Variants in PPP2R2B observed in about 807,000 individuals in gnomAD.
PPP2R2B encodes the protein protein phosphatase 2 regulatory subunit Bbeta, also known as serine/threonine-protein phosphatase 2A 55 kDa regulatory subunit B beta isoform.
A neutral mutation model predicts 46.0 loss-of-function variants in PPP2R2B; 5 were observed. The observed-to-expected ratio is 0.11, with a 90% CI of 0.06 to 0.23. PPP2R2B has a LOEUF of 0.23. Among genes scored for constraint, PPP2R2B ranks in the 10% least tolerant of loss-of-function variants. The pLI is 1.00. For synonymous variants in PPP2R2B, 215 were observed against 206.7 expected (o/e 1.04, Z -0.34); for missense variants, 367 against 575.0 (o/e 0.64, Z 3.70).
At chr5:146,986,665 G>A (rs1753443760) in intron 1 of PPP2R2B, among the ~76,000 whole-genome samples, 1 of 152,116 alleles carries the variant, frequency 6.6e-6, no homozygotes, top group South Asian at 2.1e-4. Context: ...TTAAGCAGAA[G>A]AAATAATCAG....
Position 146,583,435 on chromosome 5 carries a change from G to A in PPP2R2B, c.*6512C>T, listed in dbSNP as rs1247278380. ...GTCGTTTTTATCCTTATCTCATAAT[G>A]AGAAAATCGAGGCACAGAGAGGTTG... On this transcript the variant is annotated 3_prime_UTR_variant, in exon 10 of 10. Transcript: ENST00000394411. The A allele has an allele frequency of 1.3e-5, 2 of 152,146 alleles. No homozygotes were observed. The highest frequency in any genetic ancestry group is 4.8e-5 in the African/African-American group (2 of 41,430). The allele number at this position is 152,146 out of a possible 1,614,324, so 9.4% of individuals were successfully genotyped here.
intron 2 of PPP2R2B, among the ~76,000 whole-genome samples, chr5:146,832,144 T>G (rs1464510981): frequency 6.6e-6 from 1 of 152,170 alleles, no homozygotes; most frequent in East Asian, 1.9e-4. Flanking sequence ...GTTAAAAAAA[T>G]TAAAAAGTTT....
intron 5 of PPP2R2B, among the ~76,000 whole-genome samples, chr5:146,684,449 C>T (rs1182140718): frequency 2.6e-5 from 4 of 152,208 alleles, no homozygotes; most frequent in African/African-American, 9.6e-5. Flanking sequence ...ACAGACAGAA[C>T]GTGCTTCATT....
chr5:146,885,319 A>T (rs1425672627), intron 1 of PPP2R2B, among the ~76,000 whole-genome samples: 1 of 152,166 alleles, frequency 6.6e-6, no homozygotes, highest in Non-Finnish European at 1.5e-5. Context: ...AACCACTGTG[A>T]TTTGAGCTAT....
At chr5:146,872,854 C>T (rs899360546) in intron 2 of PPP2R2B, among the ~76,000 whole-genome samples, 2 of 152,206 alleles carry the variant, frequency 1.3e-5, no homozygotes, top group African/African-American at 4.8e-5. Flanking sequence ...TCATACCAAG[C>T]CAAGATCCAC....
At position 146,596,964 on chromosome 5, in the gene PPP2R2B, C is replaced by G. The variant is rs1581674575; in HGVS notation, c.960+3327G>C. Among the ~76,000 whole-genome samples, 3 of 152,192 alleles carry G rather than the reference C, an allele frequency of 2.0e-5. No individual in the cohort carries two copies. In the East Asian group the frequency reaches 5.8e-4, roughly 29 times the overall value. On this transcript the variant is annotated intron_variant, in intron 8 of 9. Transcript: ENST00000394411. The stretch of plus-strand genomic sequence containing the variant: ...TTCTTCCTCTGACTGGAATTTGGAT[C>G]TCCTCTGAAGACACTCAAGTGGTAG...
chr5:146,933,344 C>G (rs529237750), intron 1 of PPP2R2B, among the ~76,000 whole-genome samples: 1 of 152,178 alleles, frequency 6.6e-6, no homozygotes, highest in Non-Finnish European at 1.5e-5. Flanking sequence ...ATCCAGGGAA[C>G]CCAATCCTCT....
chr5:146,994,630 T>C (rs1237507655), intron 1 of PPP2R2B, among the ~76,000 whole-genome samples: 1 of 152,160 alleles, frequency 6.6e-6, no homozygotes, highest in Non-Finnish European at 1.5e-5. Context: ...AGTCCTTGGT[T>C]GAGGCTGCTC....
At chr5:146,789,905 C>T (rs919701687) in intron 2 of PPP2R2B, among the ~76,000 whole-genome samples, 2 of 152,066 alleles carry the variant, frequency 1.3e-5, no homozygotes, top group African/African-American at 4.8e-5. Flanking sequence ...GTCAGGCAGG[C>T]AGGGGCCAGA....
chr5:146,934,825 G>T (rs1431010958), intron 1 of PPP2R2B, among the ~76,000 whole-genome samples: 1 of 151,768 alleles, frequency 6.6e-6, no homozygotes, highest in Non-Finnish European at 1.5e-5. Flanking sequence ...ACAACATAGA[G>T]CACGTTCTTC....
chr5:147,064,250 T>C (rs1015243911), intron 2 of PPP2R2B, among the ~76,000 whole-genome samples: 1 of 152,220 alleles, frequency 6.6e-6, no homozygotes, highest in Non-Finnish European at 1.5e-5. Context: ...CTTTGCTTTA[T>C]GGCAGGGTTT....
chr5:146,980,643 A>T (rs1319462959), intron 1 of PPP2R2B, among the ~76,000 whole-genome samples: 1 of 152,124 alleles, frequency 6.6e-6, no homozygotes, highest in Non-Finnish European at 1.5e-5. Flanking sequence ...CATTAAATAG[A>T]TTAATCTCTC....
intron 7 of PPP2R2B, among the ~76,000 whole-genome samples, chr5:146,600,865 T>C (rs1024028155): frequency 6.6e-6 from 1 of 152,230 alleles, no homozygotes; most frequent in African/African-American, 2.4e-5. Context: ...TAGTTTTTAG[T>C]ATAATCACAA....
chr5:146,816,208 A>G (rs1757922687), intron 2 of PPP2R2B, among the ~76,000 whole-genome samples: 1 of 152,140 alleles, frequency 6.6e-6, no homozygotes, highest in Non-Finnish European at 1.5e-5. Flanking sequence ...GTTTGAGACC[A>G]GCCTGGGCAA....
chr5:146,654,607 C>A (rs954656817), intron 5 of PPP2R2B, among the ~76,000 whole-genome samples: 24 of 152,284 alleles, frequency 1.6e-4, no homozygotes, highest in African/African-American at 4.1e-4. Flanking sequence ...GGCCTCTCCT[C>A]CTTCATTATT....
intron 2 of PPP2R2B, among the ~76,000 whole-genome samples, chr5:146,738,395 CAA>C (rs58520511): frequency 0.042 from 3,596 of 85,660 alleles, 22 homozygotes; most frequent in Non-Finnish European, 0.057. Flanking sequence ...GACTCAGTCT[CAA>C]AAAAAAAAAA....
At chr5:146,873,489 G>A (rs536624179) in intron 2 of PPP2R2B, among the ~76,000 whole-genome samples, 2 of 152,130 alleles carry the variant, frequency 1.3e-5, no homozygotes, top group African/African-American at 4.8e-5. Context: ...GGCTTGATAT[G>A]ATCTGGTCCC....
chr5:146,671,129 T>C (rs529860822), intron 5 of PPP2R2B, among the ~76,000 whole-genome samples: 1 of 152,166 alleles, frequency 6.6e-6, no homozygotes, highest in Non-Finnish European at 1.5e-5. Context: ...CTTCCTCAAT[T>C]ATGTGATTCA....
At chr5:146,891,667 C>G (rs1762494555) in intron 1 of PPP2R2B, among the ~76,000 whole-genome samples, 1 of 152,098 alleles carries the variant, frequency 6.6e-6, no homozygotes, top group African/African-American at 2.4e-5. Context: ...GACTTGATTG[C>G]AAAGATAACT....
Sources: allele counts gnomAD v4.1 joint callset (sites outside exome capture counted in the v4.1 genomes callset), GRCh38; gene constraint gnomAD v4.1.1; transcripts MANE v1.5; gene names NCBI Gene and HGNC (gene_info 2026-07-23, HGNC 2026-07-21).